ADGRF5: variants seen among roughly 807,000 people sequenced by gnomAD.
ADGRF5 encodes adhesion G protein-coupled receptor F5.
Under a neutral mutation model 132.3 loss-of-function variants are expected in ADGRF5, and 75 were observed. The ratio of observed to expected loss-of-function variants is 0.57; its 90% confidence interval spans 0.47 to 0.69. The LOEUF (loss-of-function observed/expected upper bound fraction) is 0.69. Among genes scored for constraint, ADGRF5 ranks in the 30% least tolerant of loss-of-function variants. The probability of loss-of-function intolerance (pLI) is 0.00; values close to 1 mark genes in which losing one functional copy is unlikely to be tolerated. For synonymous variants in ADGRF5, 629 were observed against 597.6 expected, an observed-to-expected ratio of 1.05 and a Z score of -0.77; for missense variants, 1,516 against 1,630.6, an observed-to-expected ratio of 0.93 and a Z score of 1.21.
chr6:46,872,827 A>C (rs932231786), intron 10 of ADGRF5, among the ~76,000 whole-genome samples: 6 of 152,212 alleles, frequency 3.9e-5, no homozygotes, highest in African/African-American at 1.4e-4. Context: ...AACACTATCA[A>C]TCTTCCGAAA....
intron 10 of ADGRF5, among the ~76,000 whole-genome samples, chr6:46,872,393 A>G (rs1771175137): frequency 6.6e-6 from 1 of 152,156 alleles, no homozygotes; most frequent in African/African-American, 2.4e-5. Context: ...AAAGACCATG[A>G]GCGATGGTTT....
chr6:46,868,151 G>C (rs1770654248), intron 12 of ADGRF5, among the ~76,000 whole-genome samples: 1 of 152,216 alleles, frequency 6.6e-6, no homozygotes, highest in African/African-American at 2.4e-5. Flanking sequence ...AAAGGCTTTA[G>C]AGTGGGGTGG....
intron 1 of ADGRF5, among the ~76,000 whole-genome samples, chr6:46,928,714 G>A (rs1408396815): frequency 6.6e-6 from 1 of 152,116 alleles, no homozygotes; most frequent in Non-Finnish European, 1.5e-5. Flanking sequence ...TTTTTCTAAA[G>A]ACGGTTTCTT....
At chr6:46,952,024 A>T (rs1778518813) in intron 1 of ADGRF5, among the ~76,000 whole-genome samples, 1 of 152,146 alleles carries the variant, frequency 6.6e-6, no homozygotes, top group Non-Finnish European at 1.5e-5. Context: ...TGCACTCTGA[A>T]ATCAGGGATT....
chr6:46,889,855 C>A (rs187090772), intron 3 of ADGRF5, among the ~76,000 whole-genome samples: 4 of 151,092 alleles, frequency 2.6e-5, no homozygotes, highest in Admixed American at 2.6e-4. Flanking sequence ...TTCCCAAGAG[C>A]AGGAACTGTT....
intron 1 of ADGRF5, among the ~76,000 whole-genome samples, chr6:46,911,075 T>C (rs113508862): frequency 4.1e-4 from 63 of 152,312 alleles, no homozygotes; most frequent in Middle Eastern, 3.4e-3. Context: ...CTGCCCCTCA[T>C]GTACACCATG....
rs1258269849 is a variant in ADGRF5, at chr6:46,862,702, GC to G, written c.2199+185del. Among the ~76,000 whole-genome samples the G allele has an allele frequency of 3.2e-3, 109 of 34,386 alleles. 1 individual carries two copies. Among genetic ancestry groups the G allele is most frequent in the Middle Eastern group, 0.017 (1 of 58 alleles). 22.6% of individuals were successfully genotyped at this position (34,386 alleles called of 152,430 possible). ...TAGTTGTCTTAGTATTTGAATTGAG[GC>G]TTTTTTTTTTTTTTTTTTTTTTTTT... On this transcript the variant is annotated intron_variant, in intron 15 of 20. Coordinates refer to ENST00000283296, the MANE Select transcript of ADGRF5 (RefSeq NM_001098518.2).
chr6:46,897,976 C>T (rs910670820), intron 3 of ADGRF5, among the ~76,000 whole-genome samples: 2 of 152,178 alleles, frequency 1.3e-5, no homozygotes, highest in Admixed American at 1.3e-4. Flanking sequence ...TGGGTTGATT[C>T]ATTAACACTT....
chr6:46,889,754 CTATATATAA>C (rs886246322), intron 3 of ADGRF5, among the ~76,000 whole-genome samples: 3 of 132,248 alleles, frequency 2.3e-5, no homozygotes, highest in African/African-American at 8.5e-5. Context: ...TATATAAACA[CTATATATAA>C]TATATTATGT....
upstream of ADGRF5, among the ~76,000 whole-genome samples, chr6:46,923,317 CTGTT>C (rs1777087816): frequency 6.6e-6 from 1 of 152,266 alleles, no homozygotes; most frequent in South Asian, 2.1e-4. Context: ...AGTTTAGTAA[CTGTT>C]TGTTGTTCTC....
At chr6:46,877,524 G>C (rs779525256) in intron 10 of ADGRF5, among the ~76,000 whole-genome samples, 4 of 151,434 alleles carry the variant, frequency 2.6e-5, no homozygotes, top group Non-Finnish European at 5.9e-5. Flanking sequence ...TTTTTTAAAG[G>C]GTTAATCATA....
At chr6:46,855,533 A>G (rs1768941760) in intron 20 of ADGRF5, among the ~76,000 whole-genome samples, 6 of 152,232 alleles carry the variant, frequency 3.9e-5, no homozygotes, top group Admixed American at 3.9e-4. Context: ...AAAGAACAAA[A>G]AAGGAAAACA....
rs1182702239 is a variant in ADGRF5 at position 46,853,767 on chromosome 6, CAT to C, written c.*223_*224del. 2 of 401,236 alleles carry C rather than the reference CAT, an allele frequency of 5.0e-6. No individual in the cohort carries two copies. The highest frequency in any genetic ancestry group is 6.0e-5 in the East Asian group (1 of 16,616). 24.9% of individuals were successfully genotyped at this position (401,236 alleles called of 1,614,324 possible). A position where few individuals can be genotyped will look rare whatever the true frequency, so the allele number is the denominator to read the frequency against. ...TTGAGTTTCACTTAAATACTATACA[CAT>C]GTGGTATCACACAAGGGGGAGGGGG... On this transcript the variant is annotated 3_prime_UTR_variant, in exon 21 of 21. Transcript: ENST00000283296.
At chr6:46,894,725 G>A (rs1335197612) in intron 3 of ADGRF5, among the ~76,000 whole-genome samples, 1 of 152,176 alleles carries the variant, frequency 6.6e-6, no homozygotes, top group Non-Finnish European at 1.5e-5. Flanking sequence ...TAAATGAAAG[G>A]TAGTATTTTC....
At chr6:46,925,172 T>C (rs1006691219), upstream of ADGRF5, among the ~76,000 whole-genome samples, 1 of 152,252 alleles carries the variant, frequency 6.6e-6, no homozygotes, top group African/African-American at 2.4e-5. Flanking sequence ...CCAGGCACAC[T>C]GGCCTCCTTG....
At position 46,890,439 on chromosome 6, in the gene ADGRF5, C is replaced by T. The variant is rs184164528; in HGVS notation, c.158-1934G>A. On this transcript the variant is annotated intron_variant, in intron 3 of 20. Coordinates refer to ENST00000283296, the MANE Select transcript of ADGRF5 (RefSeq NM_001098518.2). Reference sequence around the variant, plus strand: ...CAGTTAAATAAGGAAAAAAGTAGGGCGGGCGCCATGGCTTACGCCTGTAAT... The same window carrying T: ...CAGTTAAATAAGGAAAAAAGTAGGGTGGGCGCCATGGCTTACGCCTGTAAT... Among the ~76,000 whole-genome samples, 580 of 150,858 alleles carry T rather than the reference C, an allele frequency of 3.8e-3. 7 individuals are homozygous for T. Among genetic ancestry groups the T allele is most frequent in the South Asian group, 0.033 (152 of 4,588 alleles).
upstream of ADGRF5, among the ~76,000 whole-genome samples, chr6:46,925,728 G>T (rs1419396688): frequency 1.3e-5 from 2 of 152,206 alleles, no homozygotes; most frequent in African/African-American, 4.8e-5. Context: ...TTGCATTCCA[G>T]CCTGAGTGAC....
At chr6:46,854,792 A>C (rs1051961313) in intron 20 of ADGRF5, 25 of 1,284,930 alleles carry the variant, frequency 1.9e-5, no homozygotes, top group South Asian at 4.9e-5. Context: ...CTGACAACAT[A>C]AACCAAAGTT....
At chr6:46,873,119 C>A (rs1230346396) in intron 10 of ADGRF5, among the ~76,000 whole-genome samples, 10 of 152,198 alleles carry the variant, frequency 6.6e-5, no homozygotes, top group African/African-American at 2.4e-4. Flanking sequence ...CCAGGACATC[C>A]CTTCATCCTT....
Sources: gnomAD v4.1 joint callset for allele counts (sites outside exome capture counted in the v4.1 genomes callset) on GRCh38, gnomAD v4.1.1 for gene constraint, MANE v1.5 for transcripts, NCBI Gene and HGNC (gene_info 2026-07-23, HGNC 2026-07-21) for gene names.